TAFA1: variants seen among roughly 807,000 people sequenced by gnomAD.
TAFA1 encodes the protein TAFA chemokine like family member 1.
TAFA1 carries 4 observed loss-of-function variants against 18.5 expected under a neutral mutation model. The ratio of observed to expected loss-of-function variants is 0.22; its 90% confidence interval spans 0.11 to 0.49. The LOEUF (loss-of-function observed/expected upper bound fraction) is 0.49, where lower values mean the gene tolerates loss of function less well. TAFA1 is among the 20% of genes least tolerant of loss of function. TAFA1 has a pLI of 0.98. For synonymous variants in TAFA1, 56 were observed against 55.2 expected (o/e 1.01, Z -0.06); for missense variants, 147 against 169.0 (o/e 0.87, Z 0.72).
At chr3:68,488,470 A>G (rs577345247) in intron 3 of TAFA1, among the ~76,000 whole-genome samples, 1 of 152,192 alleles carries the variant, frequency 6.6e-6, no homozygotes, top group East Asian at 1.9e-4. Flanking sequence ...GCATCCTTCA[A>G]TACAATCAAG....
intron 3 of TAFA1, among the ~76,000 whole-genome samples, chr3:68,512,414 G>A (rs1163363672): frequency 6.6e-6 from 1 of 152,046 alleles, no homozygotes; most frequent in African/African-American, 2.4e-5. Context: ...TTAGCTGTCT[G>A]CAATTTTCTC....
At chr3:68,414,129 AC>A (rs2070767662) in intron 2 of TAFA1, among the ~76,000 whole-genome samples, 1 of 152,016 alleles carries the variant, frequency 6.6e-6, no homozygotes, top group Admixed American at 6.6e-5. Context: ...ACATGGAGAA[AC>A]CCTGTCTCTA....
rs185971440 is a variant in TAFA1, at chr3:68,287,150, C to T, written c.119-130130C>T. Among the ~76,000 whole-genome samples, 467 of 152,304 alleles carry T rather than the reference C, an allele frequency of 3.1e-3. 1 individual carries two copies. The Middle Eastern group carries it at 0.041, about 13-fold the overall frequency. ...CAAGTCTCGGCCCTCAGTTAATTTA[C>T]TTTCCTTTTGCTTTTCCTTACTCCT... is the stretch of plus-strand genomic sequence containing the variant. On this transcript the variant is annotated intron_variant, in intron 2 of 4. Coordinates refer to ENST00000478136, the MANE Select transcript of TAFA1 (RefSeq NM_213609.4).
chr3:68,374,599 G>T (rs901574252), intron 2 of TAFA1, among the ~76,000 whole-genome samples: 1 of 152,148 alleles, frequency 6.6e-6, no homozygotes, highest in Non-Finnish European at 1.5e-5. Context: ...ATGTCTTGAT[G>T]CACAAAATGA....
At chr3:68,534,443 C>T (rs952200709) in intron 3 of TAFA1, among the ~76,000 whole-genome samples, 1 of 152,072 alleles carries the variant, frequency 6.6e-6, no homozygotes, top group Non-Finnish European at 1.5e-5. Context: ...AATTTGTATG[C>T]CTTTTTTTCC....
At chr3:68,281,539 G>T (rs939556424) in intron 2 of TAFA1, among the ~76,000 whole-genome samples, 1 of 147,852 alleles carries the variant, frequency 6.8e-6, no homozygotes, top group African/African-American at 2.5e-5. Context: ...GTGCGATCTC[G>T]GCTCACTGCA....
At chr3:68,255,660 A>G (rs183285470) in intron 2 of TAFA1, among the ~76,000 whole-genome samples, 2 of 151,980 alleles carry the variant, frequency 1.3e-5, no homozygotes, top group East Asian at 3.9e-4. Flanking sequence ...AGAGTTTTAT[A>G]GGGTTTTTTT....
chr3:68,437,493 TA>T (rs896568402), intron 3 of TAFA1, among the ~76,000 whole-genome samples: 1 of 152,164 alleles, frequency 6.6e-6, no homozygotes, highest in Non-Finnish European at 1.5e-5. Context: ...CTGCATCTCG[TA>T]AGGGCCTTCT....
intron 3 of TAFA1, among the ~76,000 whole-genome samples, chr3:68,477,225 A>G (rs2072116252): frequency 6.6e-6 from 1 of 151,974 alleles, no homozygotes; most frequent in Non-Finnish European, 1.5e-5. Flanking sequence ...TATGAGATTC[A>G]TCCATATTGT....
chr3:68,394,109 A>G, intron 2 of TAFA1, among the ~76,000 whole-genome samples: 1 of 152,240 alleles, frequency 6.6e-6, no homozygotes, highest in South Asian at 2.1e-4. Flanking sequence ...GCAAAGTCTC[A>G]GGATACAAAA....
At chr3:68,057,912 T>C (rs1156372460) in intron 2 of TAFA1, among the ~76,000 whole-genome samples, 1 of 152,160 alleles carries the variant, frequency 6.6e-6, no homozygotes, top group Non-Finnish European at 1.5e-5. Context: ...CCTAGAACCT[T>C]CAGAAGGAGT....
intron 2 of TAFA1, among the ~76,000 whole-genome samples, chr3:68,169,232 C>G (rs954428720): frequency 2.6e-5 from 4 of 151,988 alleles, no homozygotes; most frequent in Non-Finnish European, 5.9e-5. Flanking sequence ...TCCTTACTCT[C>G]TTGGATCACT....
At chr3:68,200,925 AT>A (rs1439404176) in intron 2 of TAFA1, among the ~76,000 whole-genome samples, 1 of 151,204 alleles carries the variant, frequency 6.6e-6, no homozygotes, top group African/African-American at 2.4e-5. Flanking sequence ...CCTTTTTCTC[AT>A]TTACTAAGGT....
At chr3:68,051,657 C>T (rs903515596) in intron 2 of TAFA1, among the ~76,000 whole-genome samples, 1 of 151,990 alleles carries the variant, frequency 6.6e-6, no homozygotes, top group Non-Finnish European at 1.5e-5. Flanking sequence ...GAACTTTTAC[C>T]CTCTAATATA....
At chr3:68,265,931 A>T (rs2067533809) in intron 2 of TAFA1, among the ~76,000 whole-genome samples, 1 of 152,198 alleles carries the variant, frequency 6.6e-6, no homozygotes, top group African/African-American at 2.4e-5. Context: ...TCAGAATATT[A>T]AGAAGAAAAA....
At chr3:68,078,606 A>T (rs1223057508) in intron 2 of TAFA1, among the ~76,000 whole-genome samples, 5 of 152,074 alleles carry the variant, frequency 3.3e-5, no homozygotes, top group Admixed American at 2.6e-4. Context: ...TATATGCTGG[A>T]TTACATTTAT....
intron 3 of TAFA1, among the ~76,000 whole-genome samples, chr3:68,471,748 C>T (rs2072000589): frequency 6.6e-6 from 1 of 152,074 alleles, no homozygotes. Context: ...TTGGTGACAC[C>T]CTCACAGACA....
intron 2 of TAFA1, among the ~76,000 whole-genome samples, chr3:68,294,940 A>G (rs1226866438): frequency 6.6e-6 from 1 of 152,222 alleles, no homozygotes; most frequent in Non-Finnish European, 1.5e-5. Flanking sequence ...TACAGTAGCC[A>G]CAAATGGCCA....
chr3:68,302,647 A>G (rs898802334), intron 2 of TAFA1, among the ~76,000 whole-genome samples: 3 of 152,126 alleles, frequency 2.0e-5, no homozygotes, highest in African/African-American at 7.2e-5. Context: ...ATCTAAGACA[A>G]TGTCTGGTAT....
Sources: allele counts gnomAD v4.1 joint callset (sites outside exome capture counted in the v4.1 genomes callset), GRCh38; gene constraint gnomAD v4.1.1; transcripts MANE v1.5; gene names NCBI Gene and HGNC (gene_info 2026-07-23, HGNC 2026-07-21).